The following CYP2J2 variants were observed in gnomAD, a reference collection of about 807,000 sequenced individuals.
The protein encoded by CYP2J2 is cytochrome P450 2J2.
In CYP2J2, 41 loss-of-function variants were observed where a neutral mutation model predicts 48.8. The observed-to-expected ratio is 0.84, with a 90% CI of 0.66 to 1.09. The LOEUF (loss-of-function observed/expected upper bound fraction) is 1.09. Ranked by LOEUF, CYP2J2 falls within the 50% of genes least tolerant of loss-of-function variation. The pLI is 0.00. For missense variants in CYP2J2, 644 were observed against 617.3 expected (o/e 1.04, Z -0.46); for synonymous variants, 221 against 227.1 (o/e 0.97, Z 0.24).
chr1:59,943,548 C>T, the CYP2J2 span, among the ~76,000 whole-genome samples: 1 of 152,106 alleles, frequency 6.6e-6, no homozygotes. Context: ...AAAGTATGGT[C>T]TGTAGTTGAA....
At chr1:59,924,931 C>T (rs575700213) in intron 1 of CYP2J2, among the ~76,000 whole-genome samples, 26 of 151,828 alleles carry the variant, frequency 1.7e-4, no homozygotes, top group Admixed American at 9.2e-4. Flanking sequence ...TATAATAATA[C>T]AAGAAGGTTA....
Position 59,907,868 on chromosome 1 carries a change from G to C in CYP2J2, c.921C>G (p.Asp307Glu). 2.5e-6 allele frequency: 4 copies of C among 1,614,032 alleles called. No homozygotes were observed. The South Asian group carries it at 4.4e-5, about 18-fold the overall frequency. Residue 307 changes from aspartate (D) to glutamate (E), a missense_variant, in exon 6 of 9, where the codon GAC (aspartate) becomes GAG (glutamate). Asp to Glu is a conservative substitution (Grantham distance 45). Transcript: ENST00000371204. ...HEENLICSTL[D>E]LFFAGTETTS... ...TTGTCTCGGTTCCGGCAAAGAAGAG[G>C]TCCAGGGTGCTGCAGATGAGGTTTT...
the CYP2J2 span, among the ~76,000 whole-genome samples, chr1:59,955,790 C>A: frequency 6.6e-6 from 1 of 152,026 alleles, no homozygotes; most frequent in South Asian, 2.1e-4. Context: ...TGGCTGTATT[C>A]TTCAAAATGT....
At chr1:59,917,746 T>A (rs1279693777) in intron 1 of CYP2J2, among the ~76,000 whole-genome samples, 2 of 152,188 alleles carry the variant, frequency 1.3e-5, no homozygotes, top group African/African-American at 4.8e-5. Context: ...TCCTAATGTA[T>A]CTGTTCAACA....
rs11572271 is a variant in CYP2J2, at chr1:59,910,166, C to T, written c.685-206G>A. ...ATATATCCAGCCTTGGACCATTTCT[C>T]ACCACCGCAACAGCTTGCCACCAAA... On this transcript the variant is annotated intron_variant, in intron 4 of 8. Transcript: ENST00000371204. Among the ~76,000 whole-genome samples the T allele has an allele frequency of 5.5e-4, 83 of 152,156 alleles. 2 individuals are homozygous for T. The South Asian group carries it at 0.016, about 30-fold the overall frequency.
the CYP2J2 span, among the ~76,000 whole-genome samples, chr1:59,953,961 A>T: frequency 6.6e-6 from 1 of 152,016 alleles, no homozygotes; most frequent in African/African-American, 2.4e-5. Flanking sequence ...CTGTGCACAA[A>T]TGTTCTCTCT....
intron 8 of CYP2J2, among the ~76,000 whole-genome samples, chr1:59,896,328 G>GTATATA (rs59615950): frequency 2.9e-4 from 42 of 146,944 alleles, no homozygotes; most frequent in African/African-American, 9.5e-4. Flanking sequence ...TACACACCAA[G>GTATATA]TATATATATA....
the CYP2J2 span, among the ~76,000 whole-genome samples, chr1:59,944,611 T>C: frequency 6.6e-6 from 1 of 152,246 alleles, no homozygotes; most frequent in Non-Finnish European, 1.5e-5. Context: ...CCGATAAATA[T>C]GACTGGATTT....
chr1:59,900,752 A>G (rs970315259), intron 8 of CYP2J2, among the ~76,000 whole-genome samples: 8 of 152,186 alleles, frequency 5.3e-5, no homozygotes, highest in Admixed American at 4.6e-4. Context: ...TCTCTAGCAG[A>G]GGCAATGAAT....
intron 1 of CYP2J2, among the ~76,000 whole-genome samples, chr1:59,923,563 C>T (rs576183742): frequency 6.6e-6 from 1 of 151,832 alleles, no homozygotes. Context: ...TGAATAGTCT[C>T]AAAACAAACA....
At chr1:59,943,297 C>A in the CYP2J2 span, among the ~76,000 whole-genome samples, 1 of 152,092 alleles carries the variant, frequency 6.6e-6, no homozygotes, top group Non-Finnish European at 1.5e-5. Context: ...AAGGAGCCAG[C>A]AAGAGCCCTG....
At chr1:59,897,809 G>A (rs970143157) in intron 8 of CYP2J2, among the ~76,000 whole-genome samples, 1 of 152,132 alleles carries the variant, frequency 6.6e-6, no homozygotes, top group Non-Finnish European at 1.5e-5. Flanking sequence ...GCACACTTTA[G>A]AAGCTGTTAC....
At chr1:59,965,041 A>G in the CYP2J2 span, among the ~76,000 whole-genome samples, 2 of 152,232 alleles carry the variant, frequency 1.3e-5, no homozygotes, top group Non-Finnish European at 2.9e-5. Flanking sequence ...AGTTTATAGA[A>G]TCTACTGATA....
the CYP2J2 span, among the ~76,000 whole-genome samples, chr1:59,946,719 T>C: frequency 6.6e-6 from 1 of 152,168 alleles, no homozygotes; most frequent in Non-Finnish European, 1.5e-5. Context: ...TTTTAAAAGA[T>C]GATGAAGAGA....
chr1:59,906,068 C>G (rs1269526457), intron 6 of CYP2J2, among the ~76,000 whole-genome samples: 2 of 152,152 alleles, frequency 1.3e-5, no homozygotes, highest in African/African-American at 4.8e-5. Context: ...CGCCTGTAGT[C>G]CCAGCTACTC....
intron 6 of CYP2J2, among the ~76,000 whole-genome samples, chr1:59,906,805 A>G (rs778507844): frequency 3.7e-4 from 56 of 152,358 alleles, no homozygotes; most frequent in Non-Finnish European, 5.3e-4. Flanking sequence ...AAATATACAT[A>G]TAAAGCATAC....
At chr1:59,951,724 A>C in the CYP2J2 span, among the ~76,000 whole-genome samples, 1 of 152,128 alleles carries the variant, frequency 6.6e-6, no homozygotes, top group Non-Finnish European at 1.5e-5. Context: ...TGAGGGTCTT[A>C]ATCCCATCCT....
the CYP2J2 span, among the ~76,000 whole-genome samples, chr1:59,968,150 A>G: frequency 1.1e-4 from 17 of 152,298 alleles, no homozygotes; most frequent in Admixed American, 1.0e-3. Context: ...ACCATTCTAT[A>G]GCTCTCATGA....
the CYP2J2 span, among the ~76,000 whole-genome samples, chr1:59,932,704 A>ATT: frequency 4.9e-4 from 71 of 144,704 alleles, no homozygotes; most frequent in African/African-American, 9.3e-4. Flanking sequence ...TTCTTATTCT[A>ATT]TTTTTTTTTT....
Sources: gnomAD v4.1 joint callset for allele counts (sites outside exome capture counted in the v4.1 genomes callset) on GRCh38, gnomAD v4.1.1 for gene constraint, MANE v1.5 for transcripts, NCBI Gene and HGNC (gene_info 2026-07-23, HGNC 2026-07-21) for gene names.